Variants in AMN1 observed in about 807,000 individuals in gnomAD.
AMN1 encodes protein AMN1 homolog.
AMN1 carries 20 observed loss-of-function variants against 33.0 expected under a neutral mutation model. The ratio of observed to expected loss-of-function variants is 0.61; its 90% CI spans 0.43 to 0.88. AMN1 has a LOEUF of 0.88. AMN1 is among the 40% of genes least tolerant of loss of function. AMN1 has a pLI of 0.00. For missense variants in AMN1, 246 were observed against 307.4 expected (o/e 0.80, Z 1.49); for synonymous variants, 114 against 111.9 (o/e 1.02, Z -0.12).
intron 6 of AMN1, among the ~76,000 whole-genome samples, chr12:31,678,435 C>T (rs544557171): frequency 2.4e-4 from 36 of 151,128 alleles, no homozygotes; most frequent in Non-Finnish European, 4.9e-4. Context: ...CTCACCCTGT[C>T]GCCTAGGCTG....
rs768192500 is a variant in AMN1 at position 31,709,444 on chromosome 12, A to C, written c.39-19T>G. The C allele has an allele frequency of 1.3e-6, 2 of 1,599,478 alleles. No homozygotes were observed. The highest frequency in any genetic ancestry group is 3.5e-5 in the Admixed American group (2 of 56,760). On this transcript the variant is annotated intron_variant, in intron 1 of 6. Coordinates refer to ENST00000281471, the MANE Select transcript of AMN1 (RefSeq NM_001113402.2). ...AAGGCATCTGAAATACAAATACAAT[A>C]TAGTAAATCACACTGGGCCTGTACT...
intron 6 of AMN1, chr12:31,672,678 T>C (rs878968570): frequency 2.0e-5 from 5 of 248,162 alleles, no homozygotes; most frequent in South Asian, 1.9e-4. Context: ...AATTTCACCA[T>C]TAACCTGTGT....
chr12:31,692,050 G>A (rs1938522355), intron 5 of AMN1, among the ~76,000 whole-genome samples: 1 of 151,522 alleles, frequency 6.6e-6, no homozygotes, highest in Admixed American at 6.6e-5. Context: ...GCTAATTTTT[G>A]TATTTTTAGT....
Position 31,672,240 on chromosome 12 carries a change from AG to A in AMN1, c.*63del. On this transcript the variant is annotated 3_prime_UTR_variant, in exon 7 of 7. Coordinates refer to ENST00000281471, the MANE Select transcript of AMN1 (RefSeq NM_001113402.2). ...CATTAAGTAGAATGCAAATCTCTATAGATGGTTTCCTGGGAAAGTAGTTTTG... is the reference window on the plus strand; with the variant it reads ...CATTAAGTAGAATGCAAATCTCTATAATGGTTTCCTGGGAAAGTAGTTTTG... The A allele has an allele frequency of 1.8e-6, 2 of 1,100,800 alleles. No individual in the cohort carries two copies. The highest frequency in any genetic ancestry group is 4.0e-5 in the Admixed American group (2 of 49,686). The allele number at this position is 1,100,800 out of a possible 1,614,324, so 68.2% of individuals were successfully genotyped here.
Position 31,687,408 on chromosome 12 carries a change from T to G in AMN1, c.703+1599A>C, listed in dbSNP as rs1321467902. Reference sequence around the variant, plus strand: ...TAACCTACAGAATAATTGTTTAGACTGGCTGGGCATGGTGGCTCACGCCTG... The same window carrying G: ...TAACCTACAGAATAATTGTTTAGACGGGCTGGGCATGGTGGCTCACGCCTG... On this transcript the variant is annotated intron_variant, in intron 6 of 6. Coordinates refer to ENST00000281471, the MANE Select transcript of AMN1 (RefSeq NM_001113402.2). The surrounding 1 kb of genome is among the most constrained non-coding windows in gnomAD (Gnocchi z 4.1). Among the ~76,000 whole-genome samples, 1 of 152,138 alleles carries G rather than the reference T, an allele frequency of 6.6e-6. No individual in the cohort carries two copies. The highest frequency in any genetic ancestry group is 1.5e-5 in the Non-Finnish European group (1 of 68,026).
intron 3 of AMN1, among the ~76,000 whole-genome samples, chr12:31,701,465 T>C (rs1938997811): frequency 6.6e-6 from 1 of 152,090 alleles, no homozygotes; most frequent in Admixed American, 6.6e-5. Context: ...TGGCTAACTT[T>C]TGTATTTTTT....
intron 1 of AMN1, chr12:31,714,999 C>T (rs538761135): frequency 2.9e-6 from 2 of 693,104 alleles, no homozygotes; most frequent in Non-Finnish European, 3.6e-6. Flanking sequence ...ACAAATATTC[C>T]GTATCAAACA....
intron 6 of AMN1, among the ~76,000 whole-genome samples, chr12:31,680,535 T>G (rs939537859): frequency 2.0e-5 from 3 of 152,194 alleles, no homozygotes; most frequent in African/African-American, 7.2e-5. Flanking sequence ...AATAGCAGCT[T>G]AGTTTTTATC....
intron 6 of AMN1, among the ~76,000 whole-genome samples, chr12:31,679,293 G>A (rs1439174159): frequency 1.3e-5 from 2 of 152,092 alleles, no homozygotes; most frequent in South Asian, 2.1e-4. Flanking sequence ...TTGGGAGGCC[G>A]AGGCAGGTGG....
chr12:31,703,090 CA>C (rs1279805254), intron 2 of AMN1, among the ~76,000 whole-genome samples: 1 of 152,130 alleles, frequency 6.6e-6, no homozygotes, highest in Non-Finnish European at 1.5e-5. Context: ...CCCACCACCC[CA>C]CTGCCCGCCC....
At chr12:31,682,274 T>G (rs1189492681) in intron 6 of AMN1, among the ~76,000 whole-genome samples, 1 of 152,168 alleles carries the variant, frequency 6.6e-6, no homozygotes, top group Non-Finnish European at 1.5e-5. Flanking sequence ...CTGAAGGATT[T>G]CAGGGCAGAA....
intron 2 of AMN1, among the ~76,000 whole-genome samples, chr12:31,706,336 A>G: frequency 6.8e-6 from 1 of 146,686 alleles, no homozygotes; most frequent in Admixed American, 6.9e-5. Context: ...AAAAAAAAAA[A>G]TCTGCCTTTC....
chr12:31,705,875 C>T lies in AMN1; in HGVS notation c.171+3418G>A, dbSNP rs370962819. On this transcript the variant is annotated intron_variant, in intron 2 of 6. Coordinates refer to ENST00000281471, the MANE Select transcript of AMN1 (RefSeq NM_001113402.2). ...GCTGACAGAAGGATGCAAGTTAGTT[C>T]CCTCCTACCTTGGTGCTGTCAATCA... Among the ~76,000 whole-genome samples, 18 of 152,258 alleles carry T rather than the reference C, an allele frequency of 1.2e-4. 1 individual carries two copies. The East Asian group carries it at 3.5e-3, about 30-fold the overall frequency.
Position 31,695,554 on chromosome 12 carries a change from G to A in AMN1, c.591+1807C>T, listed in dbSNP as rs1215355479. Among the ~76,000 whole-genome samples, 9 of 146,218 alleles carry A rather than the reference G, an allele frequency of 6.2e-5. No homozygotes were observed. The East Asian group carries it at 1.6e-3, about 26-fold the overall frequency. ...GGCTGGAATGCAATAGCGCAGTCTC[G>A]GCTCACTGCAACCTCCCACCTCCCA... On this transcript the variant is annotated intron_variant, in intron 5 of 6. Transcript: ENST00000281471.
At chr12:31,674,649 G>A (rs1951348372) in intron 6 of AMN1, among the ~76,000 whole-genome samples, 1 of 152,140 alleles carries the variant, frequency 6.6e-6, no homozygotes. Flanking sequence ...GTGGGTGAGA[G>A]CATTATTCAG....
chr12:31,706,123 T>C (rs1337158318), intron 2 of AMN1, among the ~76,000 whole-genome samples: 4 of 151,858 alleles, frequency 2.6e-5, no homozygotes, highest in African/African-American at 4.8e-5. Flanking sequence ...CCATCCTGGC[T>C]AACATGGTGA....
At chr12:31,688,972 C>G (rs374256869) in intron 6 of AMN1, 35 bp downstream of exon 6, 1 of 1,416,916 alleles carries the variant, frequency 7.1e-7, no homozygotes. Flanking sequence ...AAAGATGAAG[C>G]CAGAATTTGA....
At chr12:31,698,052 C>T in intron 3 of AMN1, 95 bp from the exon 4 acceptor site, 2 of 1,180,094 alleles carry the variant, frequency 1.7e-6, no homozygotes, top group Non-Finnish European at 2.4e-6. Flanking sequence ...ATCACCAGTT[C>T]AGTGTTAGCC....
chr12:31,673,987 C>T (rs546022609), intron 6 of AMN1, among the ~76,000 whole-genome samples: 29 of 151,422 alleles, frequency 1.9e-4, no homozygotes, highest in African/African-American at 2.9e-4. Flanking sequence ...GGCAGGTCTG[C>T]GTTACTTTTT....
Sources: gnomAD v4.1 joint callset for allele counts (sites outside exome capture counted in the v4.1 genomes callset) on GRCh38, gnomAD v4.1.1 for gene constraint, Gnocchi (gnomAD v3.1) non-coding constraint, MANE v1.5 for transcripts, NCBI Gene and HGNC (gene_info 2026-07-23, HGNC 2026-07-21) for gene names.